Variants in OSBPL9 observed in about 807,000 individuals in gnomAD.
OSBPL9 encodes oxysterol-binding protein-related protein 9.
In OSBPL9, 40 loss-of-function variants were observed where a neutral mutation model predicts 106.6. The observed-to-expected ratio is 0.38, with a 90% confidence interval of 0.29 to 0.49. The LOEUF (loss-of-function observed/expected upper bound fraction) is 0.49. OSBPL9 is among the 20% of genes least tolerant of loss of function. The pLI is 0.97. For missense variants in OSBPL9, 609 were observed against 887.2 expected (o/e 0.69, Z 3.98); for synonymous variants, 269 against 295.4 (o/e 0.91, Z 0.92).
intron 14 of OSBPL9, among the ~76,000 whole-genome samples, chr1:51,773,989 CGTT>C (rs1674511361): frequency 6.6e-6 from 1 of 151,092 alleles, no homozygotes; most frequent in Non-Finnish European, 1.5e-5. Context: ...TTAGGAAGGA[CGTT>C]GTTTTCCAGG....
At chr1:51,666,008 T>A (rs1210210730) in intron 2 of OSBPL9, among the ~76,000 whole-genome samples, 1 of 151,936 alleles carries the variant, frequency 6.6e-6, no homozygotes, top group Non-Finnish European at 1.5e-5. Context: ...CCACCATGCC[T>A]GGCTAATTTT....
At chr1:51,548,112 G>T in the OSBPL9 span, among the ~76,000 whole-genome samples, 1 of 151,986 alleles carries the variant, frequency 6.6e-6, no homozygotes, top group Admixed American at 6.6e-5. Context: ...TCATCTGGAG[G>T]AGTATGGTTC....
chr1:51,785,679 T>C (rs1173729164), intron 20 of OSBPL9, 129 bp from the exon 21 acceptor site: 2 of 719,296 alleles, frequency 2.8e-6, no homozygotes, highest in African/African-American at 3.6e-5. Context: ...CCAGTTCTGT[T>C]AAGATGCTTT....
chr1:51,624,587 A>AAAAT (rs1415912070), intron 1 of OSBPL9, among the ~76,000 whole-genome samples: 9 of 152,066 alleles, frequency 5.9e-5, no homozygotes, highest in Non-Finnish European at 1.2e-4. Flanking sequence ...TCTGTCTCAA[A>AAAAT]AAATAAATAA....
upstream of OSBPL9, among the ~76,000 whole-genome samples, chr1:51,616,003 G>GTTTTTT (rs764823727): frequency 1.8e-3 from 192 of 104,468 alleles, no homozygotes; most frequent in Non-Finnish European, 1.9e-3. Flanking sequence ...AAATCCTTTG[G>GTTTTTT]TTTTTTTTTT....
intron 3 of OSBPL9, among the ~76,000 whole-genome samples, chr1:51,711,827 G>T (rs187638258): frequency 0.039 from 5,940 of 151,430 alleles, 277 homozygotes; most frequent in African/African-American, 0.1. Flanking sequence ...CGGCGGGGCA[G>T]AGACGCTCCT....
intron 3 of OSBPL9, among the ~76,000 whole-genome samples, chr1:51,710,184 C>T (rs1041326940): frequency 6.6e-6 from 1 of 152,164 alleles, no homozygotes; most frequent in Non-Finnish European, 1.5e-5. Context: ...TGTGAGCACA[C>T]AGGCGAGGCA....
At chr1:51,594,410 TAAAA>T (rs113640407) in intron 1 of OSBPL9, among the ~76,000 whole-genome samples, 9 of 148,058 alleles carry the variant, frequency 6.1e-5, no homozygotes, top group South Asian at 4.3e-4. Flanking sequence ...TCAAAAAAAA[TAAAA>T]AAGAAAGAAA....
intron 1 of OSBPL9, among the ~76,000 whole-genome samples, chr1:51,621,069 G>A (rs955229579): frequency 3.3e-5 from 5 of 152,024 alleles, no homozygotes; most frequent in African/African-American, 1.2e-4. Flanking sequence ...TAAAGAGGAC[G>A]GTAAAATGAA....
the OSBPL9 span, among the ~76,000 whole-genome samples, chr1:51,540,396 C>A: frequency 6.6e-6 from 1 of 152,052 alleles, no homozygotes; most frequent in African/African-American, 2.4e-5. Context: ...GTGGTTCATG[C>A]CTGTAATCCC....
intron 10 of OSBPL9, among the ~76,000 whole-genome samples, chr1:51,761,331 A>G (rs1671457743): frequency 6.6e-6 from 1 of 151,808 alleles, no homozygotes; most frequent in African/African-American, 2.4e-5. Context: ...GCCAATACCT[A>G]GCTACACTGA....
At chr1:51,565,069 A>G in the OSBPL9 span, among the ~76,000 whole-genome samples, 1 of 151,818 alleles carries the variant, frequency 6.6e-6, no homozygotes, top group African/African-American at 2.4e-5. Flanking sequence ...CCCTTTGCTA[A>G]ATCTCCCTAC....
chr1:51,579,420 C>CA (rs1282532468), intron 1 of OSBPL9, among the ~76,000 whole-genome samples: 1 of 152,192 alleles, frequency 6.6e-6, no homozygotes, highest in Non-Finnish European at 1.5e-5. Context: ...TCCTTAGCCT[C>CA]AGACAGATTA....
intron 2 of OSBPL9, among the ~76,000 whole-genome samples, chr1:51,657,196 C>T (rs1423772616): frequency 1.3e-5 from 2 of 152,020 alleles, no homozygotes; most frequent in Admixed American, 1.3e-4. Context: ...GGTTTGCATA[C>T]AAAAGAACTG....
In OSBPL9 at chr1:51,787,387, A is replaced by G. The variant is rs768373352; in HGVS notation, c.2035A>G (p.Arg679Gly). 4 of 1,613,962 alleles carry G rather than the reference A, an allele frequency of 2.5e-6. No homozygotes were observed. Among genetic ancestry groups the G allele is most frequent in the South Asian group, 2.2e-5 (2 of 91,080 alleles). Residue 679 changes from arginine to glycine, a missense_variant, in exon 23 of 24, where the codon AGA becomes GGA. Physicochemically the swap from Arg to Gly is moderately radical, Grantham distance 125. Transcript: ENST00000428468. ...WKDVTFNLKI[R>G]DIDAATEAKH... ...GGATGTCACTTTCAACTTAAAAATC[A>G]GAGACATTGATGCAGCAACTGAAGC...
intron 2 of OSBPL9, among the ~76,000 whole-genome samples, chr1:51,611,092 A>G (rs1470073293): frequency 1.1e-4 from 17 of 152,238 alleles, no homozygotes; most frequent in Admixed American, 1.1e-3. Context: ...ACAAAAGATC[A>G]GTTCATTCCT....
At chr1:51,677,190 A>G (rs945138104) in intron 3 of OSBPL9, among the ~76,000 whole-genome samples, 1 of 152,242 alleles carries the variant, frequency 6.6e-6, no homozygotes, top group African/African-American at 2.4e-5. Context: ...CACTTGCTGA[A>G]TCAGAAACTT....
chr1:51,692,371 C>T (rs1557696190), intron 3 of OSBPL9, among the ~76,000 whole-genome samples: 1 of 152,054 alleles, frequency 6.6e-6, no homozygotes, highest in Non-Finnish European at 1.5e-5. Context: ...AATACATAAA[C>T]CAGTCACATT....
the OSBPL9 span, among the ~76,000 whole-genome samples, chr1:51,551,917 G>T: frequency 6.6e-6 from 1 of 151,426 alleles, no homozygotes; most frequent in Admixed American, 6.6e-5. Flanking sequence ...AGATTTCCGG[G>T]ATAGTGTTTA....
Sources: allele counts gnomAD v4.1 joint callset (sites outside exome capture counted in the v4.1 genomes callset), GRCh38; gene constraint gnomAD v4.1.1; transcripts MANE v1.5; gene names NCBI Gene and HGNC (gene_info 2026-07-23, HGNC 2026-07-21).